The following KYAT1 variants were observed in gnomAD, a reference collection of about 807,000 sequenced individuals.
KYAT1 encodes the protein kynurenine--oxoglutarate transaminase 1.
In KYAT1, 47 loss-of-function variants were observed where a neutral mutation model predicts 52.4. The observed-to-expected ratio is 0.90, with a 90% confidence interval of 0.71 to 1.14. The LOEUF is 1.14. KYAT1 is among the 50% of genes most tolerant of loss of function. KYAT1 has a pLI of 0.00. For synonymous variants in KYAT1, 212 were observed against 209.6 expected (o/e 1.01, Z -0.10); for missense variants, 480 against 557.9 (o/e 0.86, Z 1.41).
chr9:128,857,696 C>T (rs998420018), intron 1 of KYAT1, among the ~76,000 whole-genome samples: 6 of 152,048 alleles, frequency 3.9e-5, no homozygotes, highest in East Asian at 3.9e-4. Flanking sequence ...ATTAGCTGGG[C>T]GTGGTGGTGG....
rs80241265 is a variant in KYAT1 at position 128,868,529 on chromosome 9, A to T, written c.-7+13368T>A. Among the ~76,000 whole-genome samples, 1,119 of 151,558 alleles carry T rather than the reference A, an allele frequency of 7.4e-3. 9 individuals are homozygous for T. The highest frequency in any genetic ancestry group is 0.019 in the African/African-American group (792 of 41,362). On this transcript the variant is annotated intron_variant, in intron 1 of 12. Coordinates refer to ENST00000302586, the MANE Select transcript of KYAT1 (RefSeq NM_004059.5). ...ACCTCAGTCTCCCAAGTAGCTGGAC[A>T]TTTTTTTCTTTTTTTCCTTTTTTTT...
intron 1 of KYAT1, among the ~76,000 whole-genome samples, chr9:128,854,743 G>C (rs1325895929): frequency 6.6e-6 from 1 of 152,174 alleles, no homozygotes; most frequent in Non-Finnish European, 1.5e-5. Context: ...CAGTCACTTG[G>C]ATGGATAATA....
At chr9:128,839,787 T>G (rs919590005) in intron 3 of KYAT1, among the ~76,000 whole-genome samples, 1 of 152,228 alleles carries the variant, frequency 6.6e-6, no homozygotes, top group African/African-American at 2.4e-5. Flanking sequence ...GCACCGTGGC[T>G]CACGCCTGTA....
At chr9:128,842,006 C>A in intron 3 of KYAT1, 1 of 171,410 alleles carries the variant, frequency 5.8e-6, no homozygotes, top group Non-Finnish European at 1.3e-5. Flanking sequence ...GAGTGAGACC[C>A]TGACTCAAAA....
rs758504937 is a variant in KYAT1 at position 128,845,423 on chromosome 9, C to A, written c.-6-12G>T. The A allele has an allele frequency of 1.4e-5, 23 of 1,613,314 alleles. No individual in the cohort carries two copies. The highest frequency in any genetic ancestry group is 1.3e-4 in the Admixed American group (8 of 59,988). ...TTGGCCATGGCGAGCTGGAGACGAACAAGTGGAAGGTCAGAGATGGAATCT... is the reference window on the plus strand; with the variant it reads ...TTGGCCATGGCGAGCTGGAGACGAAAAAGTGGAAGGTCAGAGATGGAATCT... On this transcript the variant is annotated splice_polypyrimidine_tract_variant and intron_variant, in intron 1 of 12. Transcript: ENST00000302586.
rs368070181 is a variant in KYAT1 at position 128,866,499 on chromosome 9, TG to T, written c.-7+15397del. On this transcript the variant is annotated intron_variant, in intron 1 of 12. Transcript: ENST00000302586. ...CTGTAATCCCAGCTACTCGGGAAGC[TG>T]AGGTGAGATAATCACTTGAACCTGG... Among the ~76,000 whole-genome samples, 1,116 of 151,908 alleles carry T rather than the reference TG, an allele frequency of 7.3e-3. 8 individuals are homozygous for T. Among genetic ancestry groups the T allele is most frequent in the African/African-American group, 0.019 (791 of 41,414 alleles).
chr9:128,839,705 T>C (rs1318949827), intron 3 of KYAT1, among the ~76,000 whole-genome samples: 2 of 152,152 alleles, frequency 1.3e-5, no homozygotes, highest in African/African-American at 4.8e-5. Flanking sequence ...AGAACTCAAC[T>C]CAGTAACTCA....
intron 1 of KYAT1, among the ~76,000 whole-genome samples, chr9:128,865,597 G>A (rs991813060): frequency 1.3e-5 from 2 of 151,298 alleles, no homozygotes; most frequent in African/African-American, 2.4e-5. Flanking sequence ...CCTGACGTCA[G>A]GTGATCCACC....
Position 128,842,014 on chromosome 9 carries a change from AAAATAAAT to A in KYAT1, c.201+632_201+639del, listed in dbSNP as rs891479440. On this transcript the variant is annotated intron_variant, in intron 3 of 12. Coordinates refer to ENST00000302586, the MANE Select transcript of KYAT1 (RefSeq NM_004059.5). ...GTGACAGGAGTGAGACCCTGACTCA[AAAATAAAT>A]AAATAAATATATAAATAAAATTAGC... 4 of 182,922 alleles carry A rather than the reference AAAATAAAT, an allele frequency of 2.2e-5. No individual in the cohort carries two copies. In the East Asian group the frequency reaches 5.0e-4, roughly 23 times the overall value. 11.3% of individuals were successfully genotyped at this position (182,922 alleles called of 1,614,324 possible). A position where few individuals can be genotyped will look rare whatever the true frequency, so the allele number is the denominator to read the frequency against.
intron 1 of KYAT1, among the ~76,000 whole-genome samples, chr9:128,867,926 C>A (rs1309986030): frequency 6.6e-6 from 1 of 152,108 alleles, no homozygotes; most frequent in African/African-American, 2.4e-5. Context: ...GTGCCCACCA[C>A]CACGCCCAGC....
chr9:128,847,687 G>A lies in KYAT1; in HGVS notation c.-6-2276C>T, dbSNP rs1833334385. 5.7e-6 allele frequency: 3 copies of A among 524,700 alleles called. No individual in the cohort carries two copies. The South Asian group carries it at 8.2e-5, about 14-fold the overall frequency. The allele number at this position is 524,700 out of a possible 1,614,324, so 32.5% of individuals were successfully genotyped here. On this transcript the variant is annotated intron_variant, in intron 1 of 12. Coordinates refer to ENST00000302586, the MANE Select transcript of KYAT1 (RefSeq NM_004059.5). Reference sequence around the variant, plus strand: ...ACAACAACAACAACAACAACAATATGGTCATTGCGTGCCAGGAATAGCACC... The same window carrying A: ...ACAACAACAACAACAACAACAATATAGTCATTGCGTGCCAGGAATAGCACC...
intron 1 of KYAT1, among the ~76,000 whole-genome samples, chr9:128,858,043 C>A (rs914626966): frequency 6.6e-6 from 1 of 152,084 alleles, no homozygotes; most frequent in Non-Finnish European, 1.5e-5. Flanking sequence ...GAAAAGACAG[C>A]CCATGGAATG....
At position 128,838,082 on chromosome 9, in the gene KYAT1, C is replaced by T. The variant is rs749620019; in HGVS notation, c.407G>A (p.Gly136Glu). 2.5e-5 allele frequency: 40 copies of T among 1,614,040 alleles called. No homozygotes were observed. The highest frequency in any genetic ancestry group is 3.0e-5 in the Non-Finnish European group (35 of 1,180,046). The part of the protein sequence containing the change: ...DCYEPMTMMA[G>E]GRPVFVSLKP... ...CAGGGACACAAACACAGGACGACCCCCTGCCATCATTGTCATGGGCTCGTA... is the reference window on the plus strand; with the variant it reads ...CAGGGACACAAACACAGGACGACCCTCTGCCATCATTGTCATGGGCTCGTA... The change falls in exon 5 of 13, where the codon GGG becomes GAG. Residue 136 changes from glycine to glutamate, a missense_variant. Coordinates refer to ENST00000302586, the MANE Select transcript of KYAT1 (RefSeq NM_004059.5).
chr9:128,867,956 G>A (rs1836646209), intron 1 of KYAT1, among the ~76,000 whole-genome samples: 1 of 151,990 alleles, frequency 6.6e-6, no homozygotes, highest in Non-Finnish European at 1.5e-5. Context: ...TGTATTTTTA[G>A]TAGAGACGGG....
intron 11 of KYAT1, among the ~76,000 whole-genome samples, chr9:128,834,254 C>T (rs1342044845): frequency 6.6e-6 from 1 of 152,028 alleles, no homozygotes; most frequent in Non-Finnish European, 1.5e-5. Context: ...AAAATCCATC[C>T]AAAACAAAAA....
At chr9:128,834,349 G>C (rs980460840) in intron 11 of KYAT1, among the ~76,000 whole-genome samples, 1 of 152,204 alleles carries the variant, frequency 6.6e-6, no homozygotes, top group Non-Finnish European at 1.5e-5. Context: ...GGCTGACAGA[G>C]GGAGGATCAT....
chr9:128,837,654 AG>A, intron 6 of KYAT1, 30 bp downstream of exon 6: 3 of 1,612,972 alleles, frequency 1.9e-6, no homozygotes, highest in Non-Finnish European at 1.7e-6. Context: ...CCAGGTCCGC[AG>A]GGGGCCAGGG....
chr9:128,835,168 A>AG lies in KYAT1; in HGVS notation c.1122+154dup. On this transcript the variant is annotated intron_variant, in intron 11 of 12. Transcript: ENST00000302586. ...AAAAAAAAGAAAGAAAAAAAGAAACAGCCTCCTCATTCTCTGAAGTGGATA... is the reference window on the plus strand; with the variant it reads ...AAAAAAAAGAAAGAAAAAAAGAAACAGGCCTCCTCATTCTCTGAAGTGGATA... The AG allele has an allele frequency of 4.3e-6, 3 of 700,024 alleles. No individual in the cohort carries two copies. The South Asian group carries it at 4.7e-5, about 11-fold the overall frequency. The allele number at this position is 700,024 out of a possible 1,614,324, so 43.4% of individuals were successfully genotyped here.
At chr9:128,854,355 C>T (rs1834328611) in intron 1 of KYAT1, among the ~76,000 whole-genome samples, 1 of 151,958 alleles carries the variant, frequency 6.6e-6, no homozygotes, top group Non-Finnish European at 1.5e-5. Context: ...AAAGAACAGC[C>T]CACATGAGGA....
Sources: allele counts gnomAD v4.1 joint callset (sites outside exome capture counted in the v4.1 genomes callset), GRCh38; gene constraint gnomAD v4.1.1; transcripts MANE v1.5; gene names NCBI Gene and HGNC (gene_info 2026-07-23, HGNC 2026-07-21).